SGTA: variants seen among roughly 807,000 people sequenced by gnomAD.
SGTA encodes small glutamine rich tetratricopeptide repeat co-chaperone alpha, also known as small glutamine-rich tetratricopeptide repeat-containing protein alpha.
SGTA carries 22 observed loss-of-function variants against 44.3 expected under a neutral mutation model. That is an observed-to-expected ratio of 0.50 (90% confidence interval 0.36 to 0.71). The LOEUF (loss-of-function observed/expected upper bound fraction) is 0.71. SGTA is among the 30% of genes least tolerant of loss of function. The probability of loss-of-function intolerance (pLI) is 0.00; values close to 1 mark genes in which losing one functional copy is unlikely to be tolerated. For missense variants in SGTA, 341 were observed against 435.9 expected (o/e 0.78, Z 1.94); for synonymous variants, 174 against 177.6 (o/e 0.98, Z 0.16).
At position 2,763,663 on chromosome 19, in the gene SGTA, C is replaced by T; in HGVS notation, c.487G>A (p.Gly163Ser). ...TGGACAGGCACTCACCCCATCCTGC[C>T]GTAGGCCTTGCTGTAGGCCGGGTCA... Reference protein sequence around the residue: ...CIDPAYSKAYGRMGLALSSLN... With the variant: ...CIDPAYSKAYSRMGLALSSLN... The change falls in exon 6 of 12, where the codon GGC (glycine) becomes AGC (serine). Residue 163 changes from glycine to serine, a missense_variant. Physicochemically the swap from Gly to Ser is moderately conservative, Grantham distance 56. Coordinates refer to ENST00000221566, the MANE Select transcript of SGTA (RefSeq NM_003021.4). This position sits in a 1 kb window ranked among gnomAD's most constrained non-coding sequence, Gnocchi z 5.8. 2.5e-6 allele frequency: 4 copies of T among 1,612,448 alleles called. No homozygotes were observed. The highest frequency in any genetic ancestry group is 1.1e-5 in the South Asian group (1 of 90,996).
chr19:2,771,207 C>T (rs866167310), intron 1 of SGTA, among the ~76,000 whole-genome samples: 11 of 152,192 alleles, frequency 7.2e-5, no homozygotes, highest in Admixed American at 5.2e-4. Context: ...AGGCAGATCA[C>T]GAGGTCAGGA....
At chr19:2,775,242 C>G (rs942871782) in intron 1 of SGTA, among the ~76,000 whole-genome samples, 3 of 152,252 alleles carry the variant, frequency 2.0e-5, no homozygotes, top group Non-Finnish European at 4.4e-5. Context: ...CCTGACCTGC[C>G]CCCACACTCA....
At chr19:2,781,787 C>T (rs17605360) in intron 1 of SGTA, among the ~76,000 whole-genome samples, 2,581 of 152,142 alleles carry the variant, frequency 0.017, 41 homozygotes, top group Middle Eastern at 0.048. Flanking sequence ...CACGATTTCC[C>T]GGGCCCACAC....
At chr19:2,779,052 C>T (rs559266527) in intron 1 of SGTA, among the ~76,000 whole-genome samples, 33 of 152,318 alleles carry the variant, frequency 2.2e-4, no homozygotes, top group African/African-American at 7.9e-4. Flanking sequence ...GCTCCCCCCA[C>T]TGCACACCAG....
At position 2,761,331 on chromosome 19, in the gene SGTA, C is replaced by A; in HGVS notation, c.699+129G>T. 1.1e-6 allele frequency: 1 copy of A among 885,230 alleles called. No homozygotes were observed. Among genetic ancestry groups the A allele is most frequent in the Non-Finnish European group, 1.8e-6 (1 of 561,382 alleles). The allele number at this position is 885,230 out of a possible 1,614,324, so 54.8% of individuals were successfully genotyped here. ...GCGGTGCCCAGGACGACCCCACAGA[C>A]AAGACCCATCTGGTTCCAGAAGCCA... On this transcript the variant is annotated intron_variant, in intron 8 of 11. Coordinates refer to ENST00000221566, the MANE Select transcript of SGTA (RefSeq NM_003021.4). The surrounding 1 kb of genome is among the most constrained non-coding windows in gnomAD (Gnocchi z 5.7).
In SGTA at chr19:2,767,022, G is replaced by A. The variant is rs1323065608; in HGVS notation, c.292+114C>T. 1.3e-6 allele frequency: 1 copy of A among 786,254 alleles called. No individual in the cohort carries two copies. Among genetic ancestry groups the A allele is most frequent in the African/African-American group, 1.7e-5 (1 of 58,326 alleles). The allele number at this position is 786,254 out of a possible 1,614,324, so 48.7% of individuals were successfully genotyped here. On this transcript the variant is annotated intron_variant, in intron 4 of 11. Coordinates refer to ENST00000221566, the MANE Select transcript of SGTA (RefSeq NM_003021.4). The surrounding 1 kb of genome is among the most constrained non-coding windows in gnomAD (Gnocchi z 7.3). ...CCACAAGCCAGCGTGCTGGTCATCA[G>A]GGCAATTCCCTCAGCTCCCTGGGCC...
intron 1 of SGTA, among the ~76,000 whole-genome samples, chr19:2,769,809 TGACACCCTCCTGGTTCCCCCAGCG>T (rs1488056710): frequency 5.4e-4 from 25 of 45,966 alleles, no homozygotes; most frequent in East Asian, 7.7e-4. Flanking sequence ...TTCCCCCACC[TGACACCCTCCTGGTTCCCCCAGCG>T]GACACCCTCC....
rs1021168896 is a variant in SGTA, at chr19:2,755,231, G to T, written c.*709C>A. 26 of 196,878 alleles carry T rather than the reference G, an allele frequency of 1.3e-4. No homozygotes were observed. The highest frequency in any genetic ancestry group is 5.7e-4 in the African/African-American group (24 of 42,244). 12.2% of individuals were successfully genotyped at this position (196,878 alleles called of 1,614,324 possible). On this transcript the variant is annotated 3_prime_UTR_variant, in exon 12 of 12. Transcript: ENST00000221566. This position sits in a 1 kb window ranked among gnomAD's most constrained non-coding sequence, Gnocchi z 5.2. ...ATGATGTCGCCCCTGGCTCTCAGTC[G>T]CGAGGACCAGAAAATGAGGGTGGGA...
rs767095367 is a variant in SGTA at position 2,762,493 on chromosome 19, C to A, written c.636+13G>T. 21 of 1,613,592 alleles carry A rather than the reference C, an allele frequency of 1.3e-5. No homozygotes were observed. In the South Asian group the frequency reaches 2.2e-4, roughly 17 times the overall value. On this transcript the variant is annotated intron_variant, in intron 7 of 11. Transcript: ENST00000221566. The stretch of plus-strand genomic sequence containing the variant: ...CTCGGCGTTCTGGAGCCACTCGCCC[C>A]CGCTGCACTCACGGGGCTGGGGGCC...
At chr19:2,776,003 C>T (rs1915438226) in intron 1 of SGTA, among the ~76,000 whole-genome samples, 1 of 152,128 alleles carries the variant, frequency 6.6e-6, no homozygotes, top group Non-Finnish European at 1.5e-5. Context: ...GGTCTGGGAT[C>T]AGGACTGCCT....
chr19:2,766,542 C>G (rs1456997200), intron 4 of SGTA, among the ~76,000 whole-genome samples: 2 of 152,086 alleles, frequency 1.3e-5, no homozygotes, highest in African/African-American at 4.8e-5. Flanking sequence ...AAGCAACTCT[C>G]CTGCCTCAGC....
At chr19:2,760,723 G>A (rs574680530) in intron 8 of SGTA, among the ~76,000 whole-genome samples, 16 of 152,196 alleles carry the variant, frequency 1.1e-4, no homozygotes, top group Admixed American at 7.2e-4. Flanking sequence ...GCCAGCGGAC[G>A]AGGGCTACAG....
At position 2,765,857 on chromosome 19, in the gene SGTA, G is replaced by A. The variant is rs569877247; in HGVS notation, c.293-572C>T. ...ATTCAGGAGGGCGTGGGGGGAAGAT[G>A]GGTATCAGCGTGTGTTTCCCTAAAC... On this transcript the variant is annotated intron_variant, in intron 4 of 11. Coordinates refer to ENST00000221566, the MANE Select transcript of SGTA (RefSeq NM_003021.4). This position sits in a 1 kb window ranked among gnomAD's most constrained non-coding sequence, Gnocchi z 5.5. Among the ~76,000 whole-genome samples, 1 of 152,202 alleles carries A rather than the reference G, an allele frequency of 6.6e-6. No individual in the cohort carries two copies. The highest frequency in any genetic ancestry group is 2.1e-4 in the South Asian group (1 of 4,816).
intron 1 of SGTA, among the ~76,000 whole-genome samples, 200 bp downstream of exon 1, chr19:2,783,033 G>A (rs910346569): frequency 2.6e-5 from 4 of 152,346 alleles, no homozygotes; most frequent in Middle Eastern, 3.4e-3. Context: ...TGGGGCCTGG[G>A]GAAGGGAGAT....
At chr19:2,756,913 A>G (rs4807324) in intron 11 of SGTA, among the ~76,000 whole-genome samples, 55,624 of 152,116 alleles carry the variant, frequency 0.37, 12,409 homozygotes, top group East Asian at 0.65. Flanking sequence ...AAAGGCAGGT[A>G]CCCGGCTTGT....
In SGTA at chr19:2,765,734, G is replaced by A. The variant is rs1212427265; in HGVS notation, c.293-449C>T. ...CATAGGCAATGGGGCTTCTATCTGA[G>A]GCATGGGTCCCAGCTGGTAGGACGG... On this transcript the variant is annotated intron_variant, in intron 4 of 11. Transcript: ENST00000221566. This position sits in a 1 kb window ranked among gnomAD's most constrained non-coding sequence, Gnocchi z 5.5. Among the ~76,000 whole-genome samples the A allele has an allele frequency of 6.6e-6, 1 of 152,140 alleles. No individual in the cohort carries two copies. The highest frequency in any genetic ancestry group is 1.5e-5 in the Non-Finnish European group (1 of 68,030).
In SGTA at chr19:2,761,834, G is replaced by A. The variant is rs988016529; in HGVS notation, c.637-312C>T. On this transcript the variant is annotated intron_variant, in intron 7 of 11. Coordinates refer to ENST00000221566, the MANE Select transcript of SGTA (RefSeq NM_003021.4). This position sits in a 1 kb window ranked among gnomAD's most constrained non-coding sequence, Gnocchi z 5.7. Reference sequence around the variant, plus strand: ...GTCTATCATCCCGTGTTTATTCCCCGCACAGCGCGACCGCCCGGGGACGGC... The same window carrying A: ...GTCTATCATCCCGTGTTTATTCCCCACACAGCGCGACCGCCCGGGGACGGC... Among the ~76,000 whole-genome samples, 13 of 147,608 alleles carry A rather than the reference G, an allele frequency of 8.8e-5. No individual in the cohort carries two copies. Among genetic ancestry groups the A allele is most frequent in the African/African-American group, 3.3e-4 (13 of 39,068 alleles).
chr19:2,771,497 C>A (rs1389540363), intron 1 of SGTA, among the ~76,000 whole-genome samples: 1 of 151,496 alleles, frequency 6.6e-6, no homozygotes, highest in Non-Finnish European at 1.5e-5. Context: ...GGCAGTGTGA[C>A]CTAGGGGAAG....
intron 4 of SGTA, among the ~76,000 whole-genome samples, chr19:2,766,165 G>A (rs60706112): frequency 1.3e-5 from 2 of 152,136 alleles, no homozygotes; most frequent in South Asian, 2.1e-4. Flanking sequence ...GCAGTGAGCC[G>A]AGATCACGCC....
Sources: allele counts gnomAD v4.1 joint callset (sites outside exome capture counted in the v4.1 genomes callset), GRCh38; gene constraint gnomAD v4.1.1; non-coding constraint Gnocchi (gnomAD v3.1); transcripts MANE v1.5; gene names NCBI Gene and HGNC (gene_info 2026-07-23, HGNC 2026-07-21).